The following ZFHX3 variants were observed in gnomAD, a reference collection of about 807,000 sequenced individuals.
ZFHX3 encodes the protein zinc finger homeobox 3.
Under a neutral mutation model 279.1 loss-of-function variants are expected in ZFHX3, and 42 were observed. That is an observed-to-expected ratio of 0.15 (90% CI 0.12 to 0.19). The LOEUF is 0.19. ZFHX3 is among the 10% of genes least tolerant of loss of function. ZFHX3 has a pLI of 1.00. For synonymous variants in ZFHX3, 2,293 were observed against 1,957.8 expected (o/e 1.17, Z -4.52); for missense variants, 4,981 against 4,754.0 (o/e 1.05, Z -1.40).
At chr16:73,699,467 T>A (rs1018599890) in intron 1 of ZFHX3, among the ~76,000 whole-genome samples, 14 of 152,322 alleles carry the variant, frequency 9.2e-5, no homozygotes, top group Middle Eastern at 3.4e-3. Flanking sequence ...TTTGAAAAGC[T>A]TTTCATATAG....
intron 7 of ZFHX3, among the ~76,000 whole-genome samples, chr16:72,803,296 C>T (rs1399471608): frequency 6.6e-6 from 1 of 152,128 alleles, no homozygotes; most frequent in East Asian, 1.9e-4. Context: ...TGCGCCATTG[C>T]ACTCCAGCCT....
At chr16:73,478,436 T>C (rs1258467861) in intron 2 of ZFHX3, among the ~76,000 whole-genome samples, 2 of 152,080 alleles carry the variant, frequency 1.3e-5, no homozygotes, top group African/African-American at 4.8e-5. Context: ...TAACAGCACT[T>C]TGTTAAAAAT....
At chr16:73,478,338 C>G (rs1159587014) in intron 2 of ZFHX3, among the ~76,000 whole-genome samples, 1 of 151,830 alleles carries the variant, frequency 6.6e-6, no homozygotes, top group Non-Finnish European at 1.5e-5. Context: ...GGACTTGAAC[C>G]CTGGACCCTC....
intron 4 of ZFHX3, among the ~76,000 whole-genome samples, chr16:73,308,224 C>CATATATATAT (rs56199536): frequency 3.7e-5 from 4 of 108,694 alleles, no homozygotes; most frequent in Admixed American, 1.1e-4. Flanking sequence ...CATATGCATG[C>CATATATATAT]ATATATATAT....
At chr16:73,239,884 G>C (rs2013066078) in intron 5 of ZFHX3, among the ~76,000 whole-genome samples, 1 of 152,202 alleles carries the variant, frequency 6.6e-6, no homozygotes, top group Non-Finnish European at 1.5e-5. Flanking sequence ...CACTGAGTTA[G>C]TGAATACCGA....
At chr16:73,574,894 C>T (rs945868018) in intron 2 of ZFHX3, among the ~76,000 whole-genome samples, 1 of 152,154 alleles carries the variant, frequency 6.6e-6, no homozygotes, top group Non-Finnish European at 1.5e-5. Flanking sequence ...CTCAAGGTAC[C>T]TCTAATGACC....
At chr16:73,088,370 C>G (rs1354703948) in intron 8 of ZFHX3, among the ~76,000 whole-genome samples, 3 of 152,140 alleles carry the variant, frequency 2.0e-5, no homozygotes, top group Non-Finnish European at 2.9e-5. Context: ...CCCAGCTGGT[C>G]TCAAACTCCT....
chr16:72,841,048 G>A (rs1457782483), intron 4 of ZFHX3, among the ~76,000 whole-genome samples: 1 of 152,200 alleles, frequency 6.6e-6, no homozygotes, highest in Admixed American at 6.5e-5. Flanking sequence ...CTAGAAACGT[G>A]TGAACACCCG....
At chr16:73,606,245 C>T (rs1030677150) in intron 2 of ZFHX3, among the ~76,000 whole-genome samples, 4 of 142,860 alleles carry the variant, frequency 2.8e-5, no homozygotes, top group East Asian at 4.1e-4. Flanking sequence ...TGGTGGCTCA[C>T]GCCTGTAATC....
intron 3 of ZFHX3, among the ~76,000 whole-genome samples, chr16:73,384,909 C>T (rs182717180): frequency 3.9e-5 from 6 of 152,290 alleles, no homozygotes; most frequent in East Asian, 1.9e-4. Flanking sequence ...ATCCCTCCTA[C>T]GTTACCCTGA....
intron 4 of ZFHX3, among the ~76,000 whole-genome samples, chr16:73,272,756 T>C (rs2014182799): frequency 1.3e-5 from 2 of 152,126 alleles, no homozygotes; most frequent in African/African-American, 2.4e-5. Context: ...TAATGCAATG[T>C]TGTTTTTTGA....
chr16:73,468,882 C>A (rs961349124), intron 2 of ZFHX3, among the ~76,000 whole-genome samples: 1 of 152,196 alleles, frequency 6.6e-6, no homozygotes, highest in Non-Finnish European at 1.5e-5. Flanking sequence ...CTGACTTTAT[C>A]AACTGGCCTC....
chr16:73,198,404 A>G (rs1432598838), intron 5 of ZFHX3, among the ~76,000 whole-genome samples: 1 of 151,890 alleles, frequency 6.6e-6, no homozygotes, highest in Non-Finnish European at 1.5e-5. Flanking sequence ...TGAAGAAGAA[A>G]ATAAACTAAA....
At chr16:73,454,628 C>T (rs577191759) in intron 3 of ZFHX3, among the ~76,000 whole-genome samples, 2 of 149,402 alleles carry the variant, frequency 1.3e-5, no homozygotes, top group Non-Finnish European at 3.0e-5. Context: ...TTTTTCTATT[C>T]ACTCCCCAGT....
At chr16:72,857,699 A>C (rs1366209527) in intron 4 of ZFHX3, among the ~76,000 whole-genome samples, 2 of 152,116 alleles carry the variant, frequency 1.3e-5, no homozygotes, top group Admixed American at 1.3e-4. Context: ...ATTGACAAAA[A>C]CAAAACAAAA....
At chr16:73,490,115 T>C (rs1438274344) in intron 2 of ZFHX3, among the ~76,000 whole-genome samples, 1 of 152,222 alleles carries the variant, frequency 6.6e-6, no homozygotes, top group East Asian at 1.9e-4. Context: ...TTAAAACCTT[T>C]ACATTTCACG....
chr16:73,487,464 G>A, intron 2 of ZFHX3: 1 of 440,276 alleles, frequency 2.3e-6, no homozygotes. Context: ...GTGCCAGCAT[G>A]ATTATGGCTC....
At chr16:73,723,007 CT>C (rs1406766439) in intron 1 of ZFHX3, among the ~76,000 whole-genome samples, 1 of 152,116 alleles carries the variant, frequency 6.6e-6, no homozygotes, top group Non-Finnish European at 1.5e-5. Context: ...GGTCTTCAAG[CT>C]AAATGCTAAG....
intron 3 of ZFHX3, among the ~76,000 whole-genome samples, chr16:73,382,537 G>A (rs991893047): frequency 1.3e-5 from 2 of 152,178 alleles, no homozygotes; most frequent in Non-Finnish European, 2.9e-5. Context: ...GCCCACTCAG[G>A]CTGCTGTGTG....
Sources: gnomAD v4.1 joint callset for allele counts (sites outside exome capture counted in the v4.1 genomes callset) on GRCh38, gnomAD v4.1.1 for gene constraint, MANE v1.5 for transcripts, NCBI Gene and HGNC (gene_info 2026-07-23, HGNC 2026-07-21) for gene names.